AMPH: variants seen among roughly 807,000 people sequenced by gnomAD.
AMPH encodes the protein amphiphysin (Stiff-Mann syndrome with breast cancer 128kD autoantigen).
AMPH carries 49 observed loss-of-function variants against 99.1 expected under a neutral mutation model. The ratio of observed to expected loss-of-function variants is 0.49; its 90% CI spans 0.39 to 0.63. The LOEUF (loss-of-function observed/expected upper bound fraction) is 0.63, where lower values mean the gene tolerates loss of function less well. Ranked by LOEUF, AMPH falls within the 20% of genes least tolerant of loss-of-function variation. The pLI is 0.00. For missense variants in AMPH, 759 were observed against 863.4 expected, an observed-to-expected ratio of 0.88 and a Z score of 1.52; for synonymous variants, 314 against 317.3, an observed-to-expected ratio of 0.99 and a Z score of 0.11.
At chr7:38,473,710 C>A (rs1354169208) in intron 7 of AMPH, among the ~76,000 whole-genome samples, 1 of 3,780 alleles carries the variant, frequency 2.6e-4, no homozygotes, top group Non-Finnish European at 4.1e-4. Context: ...GACTCCGTCT[C>A]AAAAAAAAAA....
chr7:38,477,021 C>T (rs757498725), intron 5 of AMPH, 52 bp from the exon 6 acceptor site: 2 of 1,534,076 alleles, frequency 1.3e-6, no homozygotes, highest in South Asian at 2.2e-5. Flanking sequence ...ATAAGAGTCT[C>T]CCTTTGACAG....
intron 1 of AMPH, among the ~76,000 whole-genome samples, chr7:38,626,977 G>A (rs1354062267): frequency 1.3e-5 from 2 of 152,144 alleles, no homozygotes; most frequent in African/African-American, 4.8e-5. Flanking sequence ...GATGGAGAAG[G>A]TCTTTCAGGG....
chr7:38,468,958 T>TC (rs1217979489), intron 7 of AMPH, among the ~76,000 whole-genome samples: 1 of 125,790 alleles, frequency 7.9e-6, no homozygotes, highest in Non-Finnish European at 1.6e-5. Flanking sequence ...ATCGAGACCA[T>TC]CCCGGCTAAA....
At chr7:38,627,271 C>T (rs566213532) in intron 1 of AMPH, among the ~76,000 whole-genome samples, 4 of 151,666 alleles carry the variant, frequency 2.6e-5, no homozygotes, top group South Asian at 2.1e-4. Context: ...AGGCCGGGCG[C>T]GGTGGCTCGC....
chr7:38,389,396 C>T (rs1366471082), intron 20 of AMPH, among the ~76,000 whole-genome samples: 4 of 152,168 alleles, frequency 2.6e-5, no homozygotes, highest in Non-Finnish European at 4.4e-5. Context: ...GCAGACATCC[C>T]TCTCAAGATA....
At chr7:38,475,536 G>A in intron 6 of AMPH, 120 bp from the exon 7 acceptor site, 1 of 648,896 alleles carries the variant, frequency 1.5e-6, no homozygotes, top group Non-Finnish European at 2.6e-6. Flanking sequence ...GAGAAGGAGA[G>A]TATTTGGTTA....
chr7:38,476,491 G>A lies in AMPH; in HGVS notation c.504+371C>T, dbSNP rs532047809. Reference sequence around the variant, plus strand: ...TTGTTTTATGCAAATCCACACATCCGTACTCTCAGACAATCAAAAGTCACC... The same window carrying A: ...TTGTTTTATGCAAATCCACACATCCATACTCTCAGACAATCAAAAGTCACC... On this transcript the variant is annotated intron_variant, in intron 6 of 20. Coordinates refer to ENST00000356264, the MANE Select transcript of AMPH (RefSeq NM_001635.4). Among the ~76,000 whole-genome samples the A allele has an allele frequency of 1.5e-4, 23 of 152,222 alleles. 1 individual carries two copies. The Middle Eastern group carries it at 0.01, about 68-fold the overall frequency.
chr7:38,389,925 A>G lies in AMPH; in HGVS notation c.1879-20T>C. On this transcript the variant is annotated intron_variant, in intron 19 of 20. Coordinates refer to ENST00000356264, the MANE Select transcript of AMPH (RefSeq NM_001635.4). The stretch of plus-strand genomic sequence containing the variant: ...TTCCACCTGCAGAAGATAAGAATAC[A>G]TAAAAATCAATTTCCCAGCCAGATT... 6.4e-7 allele frequency: 1 copy of G among 1,569,164 alleles called. No homozygotes were observed. The highest frequency in any genetic ancestry group is 1.1e-5 in the South Asian group (1 of 90,204).
chr7:38,543,164 G>A (rs1452121028), intron 1 of AMPH, among the ~76,000 whole-genome samples: 1 of 152,126 alleles, frequency 6.6e-6, no homozygotes, highest in Admixed American at 6.6e-5. Context: ...GGCTGAGGCA[G>A]GAGGATTGCT....
intron 5 of AMPH, among the ~76,000 whole-genome samples, chr7:38,486,435 A>G (rs768425095): frequency 9.2e-5 from 14 of 152,016 alleles, no homozygotes; most frequent in Non-Finnish European, 2.1e-4. Context: ...GAGATTTAAT[A>G]GGCAACCAAA....
intron 1 of AMPH, among the ~76,000 whole-genome samples, chr7:38,541,545 A>G (rs1050052318): frequency 2.0e-5 from 3 of 152,194 alleles, no homozygotes; most frequent in African/African-American, 4.8e-5. Flanking sequence ...CCACTATGAC[A>G]TCTACTTCTT....
At chr7:38,410,107 G>A (rs1312554892) in intron 17 of AMPH, among the ~76,000 whole-genome samples, 2 of 152,200 alleles carry the variant, frequency 1.3e-5, no homozygotes, top group Non-Finnish European at 2.9e-5. Context: ...GGTACAATAA[G>A]CATTTTTCTA....
intron 1 of AMPH, among the ~76,000 whole-genome samples, chr7:38,564,891 G>C (rs1276734189): frequency 6.6e-6 from 1 of 152,170 alleles, no homozygotes; most frequent in Non-Finnish European, 1.5e-5. Flanking sequence ...CTGGGAGGCT[G>C]AGGTGGGTGG....
chr7:38,609,691 G>T (rs1793558577), intron 1 of AMPH, among the ~76,000 whole-genome samples: 1 of 152,018 alleles, frequency 6.6e-6, no homozygotes, highest in South Asian at 2.1e-4. Flanking sequence ...CAAAGCTGGG[G>T]CCATACTGTA....
rs1489845363 is a variant in AMPH, at chr7:38,608,528, A to G, written c.69+22755T>C. Among the ~76,000 whole-genome samples, 3 of 152,068 alleles carry G rather than the reference A, an allele frequency of 2.0e-5. No homozygotes were observed. In the East Asian group the frequency reaches 5.8e-4, roughly 29 times the overall value. On this transcript the variant is annotated intron_variant, in intron 1 of 20. Transcript: ENST00000356264. Reference sequence around the variant, plus strand: ...GCTTTTGGGGTTCTGTAGCACATCTATTATCCTGGTCAGCTCCCTGAAAAC... The same window carrying G: ...GCTTTTGGGGTTCTGTAGCACATCTGTTATCCTGGTCAGCTCCCTGAAAAC...
At chr7:38,520,302 A>G (rs945247451) in intron 2 of AMPH, among the ~76,000 whole-genome samples, 1 of 152,218 alleles carries the variant, frequency 6.6e-6, no homozygotes, top group African/African-American at 2.4e-5. Context: ...TATAGTGATG[A>G]CTTCAATCTT....
chr7:38,569,381 G>A (rs1378742827), intron 1 of AMPH, among the ~76,000 whole-genome samples: 2 of 151,728 alleles, frequency 1.3e-5, no homozygotes, highest in African/African-American at 4.8e-5. Context: ...ATTTTAATAT[G>A]TGTATTCATA....
At position 38,394,177 on chromosome 7, in the gene AMPH, G is replaced by A. The variant is rs1321677418; in HGVS notation, c.1436C>T (p.Thr479Ile). ...PGADADAAVGTLVSAAEGAPG... is the reference protein window; with the variant it reads ...PGADADAAVGILVSAAEGAPG... ...GGCCCCCTCAGCTGCTGACACCAAG[G>A]TTCCAACAGCTGCATCAGCATCAGC... The change falls in exon 18 of 21, where the codon ACC becomes ATC. Residue 479 changes from threonine (T) to isoleucine (I), a missense_variant. By Grantham distance (89) the Thr-to-Ile change is moderately conservative. Transcript: ENST00000356264. 1.9e-6 allele frequency: 3 copies of A among 1,614,078 alleles called. No individual in the cohort carries two copies.
intron 1 of AMPH, among the ~76,000 whole-genome samples, chr7:38,567,762 A>G (rs1791799191): frequency 6.6e-6 from 1 of 152,170 alleles, no homozygotes; most frequent in African/African-American, 2.4e-5. Flanking sequence ...AATAATTAGA[A>G]TAGTTTTTAA....
Sources: gnomAD v4.1 joint callset for allele counts (sites outside exome capture counted in the v4.1 genomes callset) on GRCh38, gnomAD v4.1.1 for gene constraint, MANE v1.5 for transcripts, NCBI Gene and HGNC (gene_info 2026-07-23, HGNC 2026-07-21) for gene names.